Variants in NIPSNAP2 observed in about 807,000 individuals in gnomAD.
NIPSNAP2 encodes the protein nipsnap homolog 2.
Under a neutral mutation model 48.4 loss-of-function variants are expected in NIPSNAP2, and 42 were observed. The ratio of observed to expected loss-of-function variants is 0.87; its 90% CI spans 0.68 to 1.12. The LOEUF (loss-of-function observed/expected upper bound fraction) is 1.12. Among genes scored for constraint, NIPSNAP2 ranks in the 50% most tolerant of loss-of-function variants. The pLI is 0.00. For synonymous variants in NIPSNAP2, 158 were observed against 126.6 expected, an observed-to-expected ratio of 1.25 and a Z score of -1.67; for missense variants, 314 against 347.3, an observed-to-expected ratio of 0.90 and a Z score of 0.76.
intron 8 of NIPSNAP2, among the ~76,000 whole-genome samples, chr7:55,996,091 C>T (rs923309976): frequency 6.6e-6 from 1 of 152,104 alleles, no homozygotes; most frequent in South Asian, 2.1e-4. Flanking sequence ...AGTTAAGAGA[C>T]CAGCCTGACC....
chr7:55,989,424 A>G (rs968000753), intron 7 of NIPSNAP2, among the ~76,000 whole-genome samples: 1 of 152,206 alleles, frequency 6.6e-6, no homozygotes, highest in Non-Finnish European at 1.5e-5. Context: ...CAGGAGGTCA[A>G]GACCAGCCTT....
intron 4 of NIPSNAP2, chr7:55,981,963 C>G: frequency 2.9e-6 from 1 of 340,508 alleles, no homozygotes; most frequent in South Asian, 4.7e-5. Context: ...CCCACCACCA[C>G]ACCCAGGTAA....
intron 1 of NIPSNAP2, among the ~76,000 whole-genome samples, chr7:55,972,343 C>T (rs575805596): frequency 2.6e-5 from 4 of 151,336 alleles, no homozygotes; most frequent in Non-Finnish European, 5.9e-5. Context: ...ATTACATAGT[C>T]CCATAAACAA....
At chr7:55,982,313 A>G (rs752142915) in intron 5 of NIPSNAP2, 33 bp downstream of exon 5, 25 of 1,219,014 alleles carry the variant, frequency 2.1e-5, no homozygotes, top group South Asian at 2.5e-5. Flanking sequence ...ACTTAGACTA[A>G]TGATATATAG....
At position 55,983,614 on chromosome 7, in the gene NIPSNAP2, A is replaced by G. The variant is rs1027942805; in HGVS notation, c.445-114A>G. The G allele has an allele frequency of 3.8e-4, 391 of 1,028,982 alleles. 3 individuals are homozygous for G. Among genetic ancestry groups the G allele is most frequent in the Middle Eastern group, 1.8e-3 (6 of 3,384 alleles). The allele number at this position is 1,028,982 out of a possible 1,614,324, so 63.7% of individuals were successfully genotyped here. On this transcript the variant is annotated intron_variant, in intron 5 of 9. Coordinates refer to ENST00000322090, the MANE Select transcript of NIPSNAP2 (RefSeq NM_001483.3). ...TGTAAACTGGGACTGTCTCAGGCCA[A>G]CTGGGACCTGTTGATTACCCTATTA... is the stretch of plus-strand genomic sequence containing the variant.
At chr7:55,970,918 G>A (rs755880956) in intron 1 of NIPSNAP2, among the ~76,000 whole-genome samples, 23 of 152,172 alleles carry the variant, frequency 1.5e-4, no homozygotes, top group Admixed American at 3.9e-4. Flanking sequence ...AGCTCTTGCA[G>A]TGTATGTCTA....
chr7:55,964,732 CG>C, intron 1 of NIPSNAP2, 31 bp downstream of exon 1: 1 of 1,057,154 alleles, frequency 9.5e-7, no homozygotes, highest in Non-Finnish European at 1.2e-6. Context: ...CGGGAGGTGC[CG>C]GGGAGGGGCC....
intron 7 of NIPSNAP2, among the ~76,000 whole-genome samples, chr7:55,988,060 G>C (rs1025449650): frequency 3.3e-5 from 5 of 152,068 alleles, no homozygotes; most frequent in African/African-American, 1.2e-4. Context: ...TCAGGAGTTT[G>C]AGACCAGCCT....
chr7:55,979,945 A>C (rs1298327714), intron 3 of NIPSNAP2: 2 of 437,000 alleles, frequency 4.6e-6, no homozygotes, highest in Non-Finnish European at 9.1e-6. Context: ...AGTGGCTACA[A>C]ATCCATGCGT....
At chr7:55,998,231 A>G (rs2116384119) in intron 9 of NIPSNAP2, among the ~76,000 whole-genome samples, 1 of 152,026 alleles carries the variant, frequency 6.6e-6, no homozygotes, top group East Asian at 1.9e-4. Flanking sequence ...CCTGGGTGAC[A>G]GAGCAAGAAT....
intron 1 of NIPSNAP2, among the ~76,000 whole-genome samples, chr7:55,976,607 C>G (rs1165768611): frequency 1.3e-5 from 2 of 152,060 alleles, no homozygotes; most frequent in Non-Finnish European, 2.9e-5. Context: ...GAAGTAGGGC[C>G]AATTGCAGTG....
At chr7:55,991,210 T>C (rs889485477) in intron 7 of NIPSNAP2, among the ~76,000 whole-genome samples, 2 of 152,232 alleles carry the variant, frequency 1.3e-5, no homozygotes, top group Non-Finnish European at 2.9e-5. Flanking sequence ...CTTTCCTCCT[T>C]AGATCATCAA....
At chr7:55,970,637 T>TGAA (rs1786999657) in intron 1 of NIPSNAP2, among the ~76,000 whole-genome samples, 1 of 152,036 alleles carries the variant, frequency 6.6e-6, no homozygotes, top group Admixed American at 6.6e-5. Context: ...TTTGAAAACT[T>TGAA]GACAGCATCT....
chr7:55,964,909 G>A, intron 1 of NIPSNAP2: 1 of 207,418 alleles, frequency 4.8e-6, no homozygotes, highest in Non-Finnish European at 9.5e-6. Context: ...GAGGGGACGG[G>A]CCGCTCTGCG....
Position 55,997,408 on chromosome 7 carries a change from C to T in NIPSNAP2, c.755C>T (p.Ala252Val). The change falls in exon 9 of 10, where the codon GCA becomes GTA. Residue 252 changes from alanine to valine, a missense_variant. Ala to Val is a moderately conservative substitution (Grantham distance 64). Around this residue, in one of 2 missense-constraint regions of NIPSNAP2, gnomAD observed 116 missense variants for 161.8 expected, o/e 0.72. Coordinates refer to ENST00000322090, the MANE Select transcript of NIPSNAP2 (RefSeq NM_001483.3). ...LQTREDIRNA[A>V]WHKHGWEELV... ...ACCAGGGAAGACATACGGAATGCAG[C>T]ATGGCACAAACATGGCTGGGAGGAA... is the stretch of plus-strand genomic sequence containing the variant. The T allele has an allele frequency of 1.2e-6, 2 of 1,613,842 alleles. No individual in the cohort carries two copies. The highest frequency in any genetic ancestry group is 1.7e-6 in the Non-Finnish European group (2 of 1,179,784).
intron 9 of NIPSNAP2, 130 bp downstream of exon 9, chr7:55,997,579 G>A (rs1177830900): frequency 4.7e-6 from 3 of 642,338 alleles, no homozygotes; most frequent in Non-Finnish European, 8.1e-6. Context: ...GTTGTGGGGG[G>A]AAGGGAGATA....
At chr7:55,979,856 A>C (rs1229443302) in intron 3 of NIPSNAP2, 4 of 456,548 alleles carry the variant, frequency 8.8e-6, no homozygotes, top group Non-Finnish European at 1.8e-5. Flanking sequence ...TTCTGGGTAC[A>C]AGTACTGCCT....
rs186315306 is a variant in NIPSNAP2 at position 55,969,821 on chromosome 7, A to G, written c.92+5120A>G. Among the ~76,000 whole-genome samples the G allele has an allele frequency of 8.7e-3, 1,323 of 151,908 alleles. 20 individuals carry two copies. Among genetic ancestry groups the G allele is most frequent in the African/African-American group, 0.03 (1,262 of 41,380 alleles). ...ACATGGTGAAACCCTGTCTCTACTA[A>G]AAATACAAAAAATTAGCCGGGCGTG... On this transcript the variant is annotated intron_variant, in intron 1 of 9. Transcript: ENST00000322090.
At position 55,999,041 on chromosome 7, in the gene NIPSNAP2, T is replaced by A; in HGVS notation, c.830T>A (p.Met277Lys). 1 of 1,614,076 alleles carries A rather than the reference T, an allele frequency of 6.2e-7. No homozygotes were observed. The highest frequency in any genetic ancestry group is 8.5e-7 in the Non-Finnish European group (1 of 1,179,962). The change falls in exon 10 of 10, where the codon ATG (methionine) becomes AAG (lysine). Residue 277 changes from methionine (M) to lysine (K), a missense_variant. Physicochemically the swap from Met to Lys is moderately conservative, Grantham distance 95 (BLOSUM62 -1). Transcript: ENST00000322090. ...ATTCAGGAAATGGAATCCAGAATCA[T>A]GATCCCACTGAAGACCTCGCCCCTC... is the stretch of plus-strand genomic sequence containing the variant. Reference protein sequence around the residue: ...PLIQEMESRIMIPLKTSPLQ With the variant: ...PLIQEMESRIKIPLKTSPLQ
Sources: gnomAD v4.1 joint callset for allele counts (sites outside exome capture counted in the v4.1 genomes callset) on GRCh38, gnomAD v4.1.1 for gene constraint, gnomAD v4.1.1 regional missense constraint, MANE v1.5 for transcripts, NCBI Gene and HGNC (gene_info 2026-07-23, HGNC 2026-07-21) for gene names.